The following STK3 variants were observed in gnomAD, a reference collection of about 807,000 sequenced individuals.
The protein encoded by STK3 is serine/threonine kinase 3.
In STK3, 41 loss-of-function variants were observed where a neutral mutation model predicts 58.0. That is an observed-to-expected ratio of 0.71 (90% CI 0.55 to 0.92). The LOEUF is 0.92. STK3 is among the 40% of genes least tolerant of loss of function. The pLI is 0.00. For missense variants in STK3, 479 were observed against 602.7 expected (o/e 0.79, Z 2.15); for synonymous variants, 170 against 191.0 (o/e 0.89, Z 0.91).
intron 3 of STK3, among the ~76,000 whole-genome samples, chr8:98,845,378 T>C (rs745616976): frequency 3.3e-5 from 5 of 152,244 alleles, no homozygotes; most frequent in East Asian, 1.9e-4. Flanking sequence ...AGAGCTCATC[T>C]TTAAGAAACT....
chr8:98,393,720 G>T (rs1022700049), intron 3 of STK3: 1 of 151,988 alleles, frequency 6.6e-6, no homozygotes, highest in Non-Finnish European at 1.5e-5. Context: ...CCTCCAGTAG[G>T]CTGGGGAACC....
chr8:98,780,916 C>T (rs1832050079), intron 1 of STK3, among the ~76,000 whole-genome samples: 1 of 152,060 alleles, frequency 6.6e-6, no homozygotes, highest in Non-Finnish European at 1.5e-5. Context: ...GGTCATGAAG[C>T]ACAAGAAGGT....
intron 4 of STK3, among the ~76,000 whole-genome samples, chr8:98,716,021 C>A (rs935256383): frequency 5.3e-5 from 8 of 151,878 alleles, no homozygotes; most frequent in Admixed American, 2.6e-4. Context: ...TCTCAGCAAA[C>A]TATTGCAAGG....
In STK3 at chr8:98,429,232, G is replaced by A. The variant is rs755324744; in HGVS notation, n.483+4895C>T. 4.8e-5 allele frequency: 78 copies of A among 1,613,954 alleles called. No individual in the cohort carries two copies. The highest frequency in any genetic ancestry group is 6.1e-5 in the Non-Finnish European group (72 of 1,180,018). On this transcript the variant is annotated intron_variant and non_coding_transcript_variant, in intron 3 of 3. Coordinates refer to the STK3 transcript ENST00000517832. ...TTCAATAAGTTCTCCCACTTTTACC[G>A]GCGCCAAAAGCAACTTGAGAGTGCC... is the stretch of plus-strand genomic sequence containing the variant.
chr8:98,535,004 A>T (rs1809638559), intron 9 of STK3, among the ~76,000 whole-genome samples: 2 of 152,158 alleles, frequency 1.3e-5, no homozygotes, highest in African/African-American at 4.8e-5. Context: ...CTGTAATAGA[A>T]TTATATATTT....
Position 98,676,083 on chromosome 8 carries a change from G to C in STK3, c.684+30384C>G, listed in dbSNP as rs554569979. The stretch of plus-strand genomic sequence containing the variant: ...AAGATGAATGAACCTTGAATACATT[G>C]TGCTATATGAAAGCAGCCAGACAGA... On this transcript the variant is annotated intron_variant, in intron 6 of 10. Coordinates refer to ENST00000419617, the MANE Select transcript of STK3 (RefSeq NM_006281.4). 2.0e-5 allele frequency among the ~76,000 whole-genome samples: 3 copies of C among 152,298 alleles called. No individual in the cohort carries two copies. In the East Asian group the frequency reaches 5.8e-4, roughly 29 times the overall value.
chr8:98,667,007 A>C (rs1442689396), intron 6 of STK3, among the ~76,000 whole-genome samples: 2 of 152,160 alleles, frequency 1.3e-5, no homozygotes, highest in African/African-American at 4.8e-5. Context: ...TCAATTGTCA[A>C]TAACTGAAGG....
chr8:98,505,128 A>T (rs1194570547), intron 10 of STK3, among the ~76,000 whole-genome samples: 1 of 151,668 alleles, frequency 6.6e-6, no homozygotes, highest in Non-Finnish European at 1.5e-5. Flanking sequence ...CTCTCACTTT[A>T]TTTCATTAAT....
At chr8:98,540,760 A>C (rs923672611) in intron 9 of STK3, among the ~76,000 whole-genome samples, 37 of 147,358 alleles carry the variant, frequency 2.5e-4, no homozygotes, top group Admixed American at 4.0e-4. Context: ...TTGCAACTAG[A>C]GTTCTGGGTA....
rs1173872981 is a variant in STK3, at chr8:98,753,962, A to T, written c.237-4572T>A. Among the ~76,000 whole-genome samples, 3 of 152,348 alleles carry T rather than the reference A, an allele frequency of 2.0e-5. No individual in the cohort carries two copies. The East Asian group carries it at 5.8e-4, about 29-fold the overall frequency. ...AAAACAAAAGTAAAACAAGCTGATC[A>T]TACTGCTCTCCTAGTTAAACAAAAA... On this transcript the variant is annotated intron_variant, in intron 3 of 10. Transcript: ENST00000419617.
chr8:98,737,718 T>G (rs1828725447), intron 4 of STK3, among the ~76,000 whole-genome samples: 1 of 150,572 alleles, frequency 6.6e-6, no homozygotes, highest in Non-Finnish European at 1.5e-5. Context: ...TTCTTTTTCT[T>G]TTTTTTTTAG....
downstream of STK3, among the ~76,000 whole-genome samples, chr8:98,368,247 G>C (rs983495989): frequency 5.9e-5 from 9 of 152,310 alleles, no homozygotes; most frequent in Non-Finnish European, 1.0e-4. Context: ...GATCTGGCCT[G>C]GGGTATGGAG....
chr8:98,561,722 T>C (rs557789556), intron 8 of STK3, among the ~76,000 whole-genome samples: 5 of 152,116 alleles, frequency 3.3e-5, no homozygotes, highest in Admixed American at 6.6e-5. Flanking sequence ...TATTAAAGAA[T>C]GAAAAGGCAA....
intron 2 of STK3, among the ~76,000 whole-genome samples, chr8:98,767,698 G>A (rs796796595): frequency 1.3e-5 from 2 of 152,244 alleles, no homozygotes; most frequent in African/African-American, 4.8e-5. Flanking sequence ...ATGAAATGTA[G>A]ATTAAAAATA....
intron 4 of STK3, among the ~76,000 whole-genome samples, chr8:98,709,029 G>C (rs1214275755): frequency 6.6e-6 from 1 of 151,792 alleles, no homozygotes; most frequent in Non-Finnish European, 1.5e-5. Context: ...CAAGGAGAGA[G>C]GGGGTAGAGA....
chr8:98,904,592 A>G, intron 1 of STK3: 1 of 573,248 alleles, frequency 1.7e-6, no homozygotes, highest in East Asian at 4.5e-5. Context: ...TTCTACCTCC[A>G]GTTTTTAAAA....
intron 3 of STK3, among the ~76,000 whole-genome samples, chr8:98,755,834 T>G (rs369532479): frequency 2.8e-4 from 43 of 152,210 alleles, no homozygotes; most frequent in African/African-American, 9.4e-4. Flanking sequence ...GTAGCTCTCT[T>G]CTCCTATATA....
chr8:98,740,568 G>A (rs376210361), intron 4 of STK3, among the ~76,000 whole-genome samples: 56 of 152,164 alleles, frequency 3.7e-4, no homozygotes, highest in African/African-American at 4.8e-4. Context: ...ACCACCAGGC[G>A]TGCCCTAAAA....
At chr8:98,792,540 A>C (rs903981094) in intron 1 of STK3, among the ~76,000 whole-genome samples, 2 of 152,192 alleles carry the variant, frequency 1.3e-5, no homozygotes, top group Non-Finnish European at 2.9e-5. Flanking sequence ...CTACTAAAAA[A>C]AAATACAAAA....
Sources: allele counts gnomAD v4.1 joint callset (sites outside exome capture counted in the v4.1 genomes callset), GRCh38; gene constraint gnomAD v4.1.1; transcripts MANE v1.5; gene names NCBI Gene and HGNC (gene_info 2026-07-23, HGNC 2026-07-21).